The following SOX6 variants were observed in gnomAD, a reference collection of about 807,000 sequenced individuals.
The protein encoded by SOX6 is SRY-box transcription factor 6.
In SOX6, 11 loss-of-function variants were observed where a neutral mutation model predicts 97.8. That is an observed-to-expected ratio of 0.11 (90% CI 0.07 to 0.19). The LOEUF (loss-of-function observed/expected upper bound fraction) is 0.19. SOX6 is among the 10% of genes least tolerant of loss of function. The pLI is 1.00. For synonymous variants in SOX6, 360 were observed against 371.4 expected (o/e 0.97, Z 0.35); for missense variants, 810 against 1,039.5 (o/e 0.78, Z 3.04).
intron 4 of SOX6, among the ~76,000 whole-genome samples, chr11:16,531,642 C>G (rs566806279): frequency 3.9e-5 from 6 of 151,946 alleles, no homozygotes; most frequent in Middle Eastern, 6.8e-3. Flanking sequence ...AGCCCATACT[C>G]TAAATATACC....
At chr11:16,637,658 C>T (rs753239802) in intron 3 of SOX6, among the ~76,000 whole-genome samples, 1 of 152,128 alleles carries the variant, frequency 6.6e-6, no homozygotes, top group Non-Finnish European at 1.5e-5. Flanking sequence ...GACAATGGAT[C>T]GAATAAGATG....
intron 6 of SOX6, among the ~76,000 whole-genome samples, chr11:16,159,759 G>T (rs1006519028): frequency 6.6e-6 from 1 of 152,040 alleles, no homozygotes; most frequent in Non-Finnish European, 1.5e-5. Flanking sequence ...TTATTGGCTT[G>T]CAGAACAATC....
intron 4 of SOX6, among the ~76,000 whole-genome samples, chr11:16,583,603 G>GTATATATATACATATATATATATATA (rs1848052139): frequency 1.0e-3 from 23 of 22,622 alleles, no homozygotes; most frequent in South Asian, 2.5e-3. Flanking sequence ...GTATATATGT[G>GTATATATATACATATATATATATATA]TATATATATA....
At chr11:16,305,695 A>G (rs1855408209) in intron 3 of SOX6, among the ~76,000 whole-genome samples, 1 of 152,230 alleles carries the variant, frequency 6.6e-6, no homozygotes, top group South Asian at 2.1e-4. Flanking sequence ...ATTTATACAT[A>G]TGATGCATAC....
At chr11:16,653,537 C>T (rs569739471) in intron 3 of SOX6, among the ~76,000 whole-genome samples, 20 of 152,196 alleles carry the variant, frequency 1.3e-4, no homozygotes, top group Non-Finnish European at 1.8e-4. Context: ...AACCAAACAT[C>T]GTATGTTTTC....
At chr11:16,563,654 G>C (rs1259149993) in intron 4 of SOX6, among the ~76,000 whole-genome samples, 1 of 152,156 alleles carries the variant, frequency 6.6e-6, no homozygotes, top group Non-Finnish European at 1.5e-5. Flanking sequence ...CATGTCCTCA[G>C]AGTCCTGGAG....
chr11:16,580,835 A>T (rs1231352417), intron 4 of SOX6, among the ~76,000 whole-genome samples: 3 of 152,222 alleles, frequency 2.0e-5, no homozygotes, highest in Admixed American at 6.5e-5. Flanking sequence ...GGCCAACAAC[A>T]TATGAAAAAA....
chr11:16,164,557 C>T (rs1352737192), intron 6 of SOX6, among the ~76,000 whole-genome samples: 1 of 152,210 alleles, frequency 6.6e-6, no homozygotes, highest in Non-Finnish European at 1.5e-5. Flanking sequence ...GGCACAGTGG[C>T]TCACGCCTGT....
chr11:16,287,022 T>G (rs1416020839), intron 3 of SOX6, among the ~76,000 whole-genome samples: 1 of 152,066 alleles, frequency 6.6e-6, no homozygotes, highest in Non-Finnish European at 1.5e-5. Context: ...AGAAAAAAAT[T>G]AAATTTGACA....
At position 16,542,582 on chromosome 11, in the gene SOX6, A is replaced by T. The variant is rs1040020145; in HGVS notation, n.610-66194T>A. Among the ~76,000 whole-genome samples, 18 of 152,216 alleles carry T rather than the reference A, an allele frequency of 1.2e-4. No homozygotes were observed. In the South Asian group the frequency reaches 1.9e-3, roughly 16 times the overall value. ...CACACACAAAAAAATTCCCACAACAAACTGGTCCCACAGAATTTATCTAGG... is the reference window on the plus strand; with the variant it reads ...CACACACAAAAAAATTCCCACAACATACTGGTCCCACAGAATTTATCTAGG... On this transcript the variant is annotated intron_variant and non_coding_transcript_variant, in intron 4 of 5. Coordinates refer to the SOX6 transcript ENST00000524520.
chr11:16,068,398 G>A (rs1404751451), intron 9 of SOX6, among the ~76,000 whole-genome samples: 1 of 152,196 alleles, frequency 6.6e-6, no homozygotes, highest in Non-Finnish European at 1.5e-5. Context: ...CAGACTGAAA[G>A]GAAGGGTAGG....
chr11:16,340,818 G>A (rs953941448), intron 2 of SOX6, among the ~76,000 whole-genome samples, 194 bp downstream of exon 2: 5 of 151,804 alleles, frequency 3.3e-5, no homozygotes, highest in Non-Finnish European at 7.4e-5. Flanking sequence ...AATAATAAAC[G>A]TATATACACT....
At chr11:16,683,405 G>C (rs1474191942) in intron 3 of SOX6, among the ~76,000 whole-genome samples, 1 of 152,028 alleles carries the variant, frequency 6.6e-6, no homozygotes, top group African/African-American at 2.4e-5. Context: ...CAATAGAACA[G>C]AACAGAGGCC....
intron 13 of SOX6, among the ~76,000 whole-genome samples, chr11:16,001,885 C>T (rs757628867): frequency 1.3e-5 from 2 of 152,094 alleles, no homozygotes; most frequent in Non-Finnish European, 2.9e-5. Context: ...AAAAGATCAA[C>T]AAGAGGAACC....
intron 1 of SOX6, among the ~76,000 whole-genome samples, chr11:16,387,948 T>C (rs904881552): frequency 6.6e-6 from 1 of 152,142 alleles, no homozygotes; most frequent in African/African-American, 2.4e-5. Flanking sequence ...TTGTCTTGCC[T>C]CATTCTAATG....
At chr11:16,394,372 C>T (rs1476904063) in intron 1 of SOX6, among the ~76,000 whole-genome samples, 1 of 151,800 alleles carries the variant, frequency 6.6e-6, no homozygotes, top group Non-Finnish European at 1.5e-5. Context: ...TATAAATCCC[C>T]TCCTTTTAAC....
chr11:16,101,216 A>G (rs558373934), intron 7 of SOX6, among the ~76,000 whole-genome samples: 1 of 151,776 alleles, frequency 6.6e-6, no homozygotes, highest in South Asian at 2.1e-4. Flanking sequence ...ACAGCAAAAT[A>G]TTACAATTCC....
At chr11:16,713,751 C>T (rs1401686441) in intron 3 of SOX6, among the ~76,000 whole-genome samples, 1 of 152,178 alleles carries the variant, frequency 6.6e-6, no homozygotes, top group African/African-American at 2.4e-5. Flanking sequence ...TATCAATTTA[C>T]TCAATCCATG....
chr11:16,709,258 C>T (rs1276067034), intron 3 of SOX6, among the ~76,000 whole-genome samples: 1 of 151,678 alleles, frequency 6.6e-6, no homozygotes, highest in Admixed American at 6.6e-5. Context: ...TGGCTCACAC[C>T]TGTAATCCCA....
Sources: gnomAD v4.1 joint callset for allele counts (sites outside exome capture counted in the v4.1 genomes callset) on GRCh38, gnomAD v4.1.1 for gene constraint, MANE v1.5 for transcripts, NCBI Gene and HGNC (gene_info 2026-07-23, HGNC 2026-07-21) for gene names.